HIPK2: variants seen among roughly 807,000 people sequenced by gnomAD.
HIPK2 encodes homeodomain-interacting protein kinase 2.
A neutral mutation model predicts 113.7 loss-of-function variants in HIPK2; 27 were observed. The ratio of observed to expected loss-of-function variants is 0.24; its 90% CI spans 0.17 to 0.33. The LOEUF (loss-of-function observed/expected upper bound fraction) is 0.33, where lower values mean the gene tolerates loss of function less well. Among genes scored for constraint, HIPK2 ranks in the 10% least tolerant of loss-of-function variants. The pLI is 1.00. For synonymous variants in HIPK2, 631 were observed against 642.2 expected (o/e 0.98, Z 0.26); for missense variants, 1,257 against 1,588.0 (o/e 0.79, Z 3.54).
rs769098751 is a variant in HIPK2 at position 139,568,940 on chromosome 7, C to G, written c.*3987G>C. ...CCCAATACTTCCCTTCCCTTCCCTTCGGTGAAGCTGGCTATTTCACCCCTT... is the reference window on the plus strand; with the variant it reads ...CCCAATACTTCCCTTCCCTTCCCTTGGGTGAAGCTGGCTATTTCACCCCTT... On this transcript the variant is annotated 3_prime_UTR_variant, in exon 15 of 15. Coordinates refer to ENST00000406875, the MANE Select transcript of HIPK2 (RefSeq NM_022740.5). 2 of 152,322 alleles carry G rather than the reference C, an allele frequency of 1.3e-5. No individual in the cohort carries two copies. The highest frequency in any genetic ancestry group is 4.8e-5 in the African/African-American group (2 of 41,400). 9.4% of individuals were successfully genotyped at this position (152,322 alleles called of 1,614,324 possible).
Position 139,596,912 on chromosome 7 carries a change from C to G in HIPK2, c.2522G>C (p.Arg841Pro). 6.2e-7 allele frequency: 1 copy of G among 1,613,468 alleles called. No homozygotes were observed. Among genetic ancestry groups the G allele is most frequent in the Non-Finnish European group, 8.5e-7 (1 of 1,179,592 alleles). ...SKRVKENTPP[R>P]CAMVHSSPAC... ...CGGGCTACTGTGCACCATGGCACAG[C>G]GGGGAGGTGTGTTCTCCTTGACACG... Residue 841 changes from arginine (R) to proline (P), a missense_variant, in exon 12 of 15, where the codon CGC becomes CCC. This residue lies in a region of HIPK2 where 862 missense variants were observed against 1,004.3 expected (regional missense o/e 0.86). Coordinates refer to ENST00000406875, the MANE Select transcript of HIPK2 (RefSeq NM_022740.5).
chr7:139,629,101 G>A (rs1202392744), intron 4 of HIPK2, 62 bp from the exon 5 acceptor site: 1 of 1,340,098 alleles, frequency 7.5e-7, no homozygotes, highest in African/African-American at 1.4e-5. Context: ...TGGGACTCAA[G>A]CCTTGGAACT....
intron 1 of HIPK2, among the ~76,000 whole-genome samples, chr7:139,749,565 T>C (rs1409006676): frequency 6.6e-6 from 1 of 152,236 alleles, no homozygotes; most frequent in Admixed American, 6.5e-5. Flanking sequence ...TGGCCATCAC[T>C]GTGTTAACTA....
Position 139,716,999 on chromosome 7 carries a change from C to A in HIPK2, c.36G>T (p.Val12=). Residue 12 remains valine, a synonymous_variant, in exon 2 of 15, where the codon GTG becomes GTT. Transcript: ENST00000406875. The surrounding 1 kb of genome is among the most constrained non-coding windows in gnomAD (Gnocchi z 9.3). ...GAAGGGTGTGAGGGGAGAAAACTTG[C>A]ACATGTGAGGCCATACCTACAAGGA... ...APVYEGMASH[V]QVFSPHTLQS... The A allele has an allele frequency of 1.2e-6, 2 of 1,610,558 alleles. No homozygotes were observed. Among genetic ancestry groups the A allele is most frequent in the Non-Finnish European group, 1.7e-6 (2 of 1,177,078 alleles).
intron 2 of HIPK2, among the ~76,000 whole-genome samples, chr7:139,708,259 C>T (rs1794964086): frequency 6.6e-6 from 1 of 152,114 alleles, no homozygotes; most frequent in Non-Finnish European, 1.5e-5. Context: ...GATGGATATG[C>T]CTATGGCATA....
At chr7:139,656,850 C>T (rs1317690686) in intron 2 of HIPK2, among the ~76,000 whole-genome samples, 2 of 151,932 alleles carry the variant, frequency 1.3e-5, no homozygotes, top group African/African-American at 4.8e-5. Context: ...TCCTAAACAT[C>T]CTCAGAGTTC....
intron 2 of HIPK2, among the ~76,000 whole-genome samples, chr7:139,684,541 AC>A (rs995824848): frequency 6.6e-6 from 1 of 152,100 alleles, no homozygotes; most frequent in African/African-American, 2.4e-5. Flanking sequence ...ACACAGTGAG[AC>A]CCTATCTCTA....
chr7:139,590,279 T>G (rs1452618617), intron 12 of HIPK2, among the ~76,000 whole-genome samples: 1 of 152,210 alleles, frequency 6.6e-6, no homozygotes, highest in East Asian at 1.9e-4. Flanking sequence ...AGAACAAAGC[T>G]GTCAGAGTTC....
intron 1 of HIPK2, among the ~76,000 whole-genome samples, chr7:139,750,585 T>G (rs1189049260): frequency 6.6e-6 from 1 of 152,244 alleles, no homozygotes; most frequent in Non-Finnish European, 1.5e-5. Flanking sequence ...TTTGGGTCTT[T>G]GTGTTGCATC....
chr7:139,671,479 A>C (rs920020179), intron 2 of HIPK2, among the ~76,000 whole-genome samples: 2 of 152,306 alleles, frequency 1.3e-5, no homozygotes, highest in Admixed American at 1.3e-4. Context: ...AGAAAATTGA[A>C]GATGATTAAG....
At chr7:139,601,686 T>C (rs899348263) in intron 10 of HIPK2, among the ~76,000 whole-genome samples, 3 of 152,240 alleles carry the variant, frequency 2.0e-5, no homozygotes, top group African/African-American at 7.2e-5. Flanking sequence ...TTGGGTTGTA[T>C]GAAGCTTAAA....
At chr7:139,664,644 A>G (rs545997441) in intron 2 of HIPK2, among the ~76,000 whole-genome samples, 6 of 152,240 alleles carry the variant, frequency 3.9e-5, no homozygotes, top group Admixed American at 2.0e-4. Flanking sequence ...TCAGGGGACA[A>G]CGAGGGCCAC....
chr7:139,731,490 C>T (rs778616655), intron 1 of HIPK2, among the ~76,000 whole-genome samples: 5 of 152,232 alleles, frequency 3.3e-5, no homozygotes, highest in African/African-American at 4.8e-5. Flanking sequence ...CTCAAACCTG[C>T]CTTTTCTAAA....
intron 2 of HIPK2, among the ~76,000 whole-genome samples, chr7:139,696,977 A>G (rs1794585640): frequency 6.6e-6 from 1 of 152,240 alleles, no homozygotes; most frequent in Non-Finnish European, 1.5e-5. Flanking sequence ...TAACTTGCCA[A>G]GGACACACGA....
At chr7:139,636,925 G>A (rs749743928) in intron 2 of HIPK2, among the ~76,000 whole-genome samples, 27 of 152,206 alleles carry the variant, frequency 1.8e-4, no homozygotes, top group Middle Eastern at 6.8e-3. Context: ...AATTCCACAC[G>A]TCTAGAAGGG....
chr7:139,738,515 C>T lies in HIPK2; in HGVS notation c.20-21500G>A, dbSNP rs1320043980. 3.9e-5 allele frequency among the ~76,000 whole-genome samples: 6 copies of T among 152,034 alleles called. 1 individual carries two copies. The highest frequency in any genetic ancestry group is 2.6e-4 in the Admixed American group (4 of 15,258). ...TAGTAGCTACCATTCTGGATGGTGC[C>T]GGAATAAAGCACCATGATATTTGTA... On this transcript the variant is annotated intron_variant, in intron 1 of 14. Coordinates refer to ENST00000406875, the MANE Select transcript of HIPK2 (RefSeq NM_022740.5).
At chr7:139,677,405 T>A (rs796632370) in intron 2 of HIPK2, among the ~76,000 whole-genome samples, 1 of 152,014 alleles carries the variant, frequency 6.6e-6, no homozygotes, top group East Asian at 1.9e-4. Flanking sequence ...ACACCCAACA[T>A]TGGGTAATTT....
rs374263328 is a variant in HIPK2 at position 139,596,912 on chromosome 7, C to T, written c.2522G>A (p.Arg841His). Residue 841 changes from arginine to histidine, a missense_variant, in exon 12 of 15, where the codon CGC becomes CAC. Arg to His is a conservative substitution (Grantham distance 29, BLOSUM62 0). Transcript: ENST00000406875. The part of the protein sequence containing the change: ...SKRVKENTPP[R>H]CAMVHSSPAC... ...CGGGCTACTGTGCACCATGGCACAG[C>T]GGGGAGGTGTGTTCTCCTTGACACG... 1.0e-4 allele frequency: 167 copies of T among 1,613,354 alleles called. No individual in the cohort carries two copies. Among genetic ancestry groups the T allele is most frequent in the Admixed American group, 3.0e-4 (18 of 60,000 alleles).
At chr7:139,646,870 C>T (rs1232899447) in intron 2 of HIPK2, among the ~76,000 whole-genome samples, 1 of 152,008 alleles carries the variant, frequency 6.6e-6, no homozygotes, top group African/African-American at 2.4e-5. Context: ...GGTGAGGCAG[C>T]ACCTGAGACT....
Sources: gnomAD v4.1 joint callset for allele counts (sites outside exome capture counted in the v4.1 genomes callset) on GRCh38, gnomAD v4.1.1 for gene constraint, gnomAD v4.1.1 regional missense constraint, Gnocchi (gnomAD v3.1) non-coding constraint, MANE v1.5 for transcripts, NCBI Gene and HGNC (gene_info 2026-07-23, HGNC 2026-07-21) for gene names.